ZMYM4: variants seen among roughly 807,000 people sequenced by gnomAD.
The protein encoded by ZMYM4 is zinc finger MYM-type protein 4.
ZMYM4 carries 31 observed loss-of-function variants against 183.2 expected under a neutral mutation model. The ratio of observed to expected loss-of-function variants is 0.17; its 90% CI spans 0.13 to 0.23. The LOEUF (loss-of-function observed/expected upper bound fraction) is 0.23, where lower values mean the gene tolerates loss of function less well. Among genes scored for constraint, ZMYM4 ranks in the 10% least tolerant of loss-of-function variants. ZMYM4 has a pLI of 1.00. For synonymous variants in ZMYM4, 592 were observed against 631.2 expected (o/e 0.94, Z 0.93); for missense variants, 1,273 against 1,840.3 (o/e 0.69, Z 5.64).
At position 35,389,843 on chromosome 1, in the gene ZMYM4, C is replaced by G; in HGVS notation, c.2437-105C>G. 2 of 1,142,120 alleles carry G rather than the reference C, an allele frequency of 1.8e-6. No homozygotes were observed. Among genetic ancestry groups the G allele is most frequent in the South Asian group, 1.6e-5 (1 of 61,282 alleles). The allele number at this position is 1,142,120 out of a possible 1,614,324, so 70.7% of individuals were successfully genotyped here. On this transcript the variant is annotated intron_variant, in intron 14 of 29. Transcript: ENST00000314607. The surrounding 1 kb of genome is among the most constrained non-coding windows in gnomAD (Gnocchi z 4.0). Reference sequence around the variant, plus strand: ...GATAAAGACAAACTAATTTTTTGATCTAAATTCTAAGTTAATTTCGTCACT... The same window carrying G: ...GATAAAGACAAACTAATTTTTTGATGTAAATTCTAAGTTAATTTCGTCACT...
chr1:35,312,064 T>C (rs1641829037), intron 1 of ZMYM4, among the ~76,000 whole-genome samples: 1 of 152,136 alleles, frequency 6.6e-6, no homozygotes. Flanking sequence ...TTTTTCTTTC[T>C]TTTGGCATCC....
intron 13 of ZMYM4, among the ~76,000 whole-genome samples, chr1:35,388,016 C>G (rs565049384): frequency 1.1e-4 from 17 of 152,194 alleles, no homozygotes; most frequent in African/African-American, 3.9e-4. Context: ...CTTGAATATG[C>G]AAATTAATAT....
intron 27 of ZMYM4, 101 bp downstream of exon 27, chr1:35,414,184 A>G: frequency 4.1e-6 from 3 of 734,920 alleles, no homozygotes; most frequent in Non-Finnish European, 6.8e-6. Context: ...ATTTCTGTCC[A>G]GATTTATACC....
Position 35,405,180 on chromosome 1 carries a change from A to G in ZMYM4, c.3686A>G (p.Asp1229Gly). 1 of 1,613,926 alleles carries G rather than the reference A, an allele frequency of 6.2e-7. No homozygotes were observed. The highest frequency in any genetic ancestry group is 8.5e-7 in the Non-Finnish European group (1 of 1,179,920). The change falls in exon 24 of 30, where the codon GAT (aspartate) becomes GGT (glycine). Residue 1229 changes from aspartate (D) to glycine (G), a missense_variant. This residue lies in a region of ZMYM4 where 133 missense variants were observed against 155.7 expected (regional missense o/e 0.85). Coordinates refer to ENST00000314607, the MANE Select transcript of ZMYM4 (RefSeq NM_005095.3). ...QWKNAKEEQGDLKCGGVEQAS... is the reference protein window; with the variant it reads ...QWKNAKEEQGGLKCGGVEQAS... ...AAAAATGCCAAGGAAGAGCAGGGGG[A>G]TCTAAAATGTGGAGGTAAGTGCACA...
rs186539817 is a variant in ZMYM4 at position 35,277,726 on chromosome 1, C to T, written c.39+8641C>T. ...TCAATTATTTGGTTACCTTGTAATA[C>T]GGTTTGTAAAGAAAAAGCAGGATAA... On this transcript the variant is annotated intron_variant, in intron 1 of 29. Transcript: ENST00000314607. Among the ~76,000 whole-genome samples, 10 of 151,992 alleles carry T rather than the reference C, an allele frequency of 6.6e-5. No homozygotes were observed. The East Asian group carries it at 7.7e-4, about 12-fold the overall frequency.
intron 21 of ZMYM4, 141 bp downstream of exon 21, chr1:35,398,607 T>C: frequency 1.2e-6 from 1 of 837,902 alleles, no homozygotes; most frequent in Admixed American, 2.9e-5. Flanking sequence ...GTGTACTAAT[T>C]TGTAGTGAGA....
At chr1:35,292,475 T>C (rs1270574864) in intron 1 of ZMYM4, 1 of 152,846 alleles carries the variant, frequency 6.5e-6, no homozygotes, top group Non-Finnish European at 1.5e-5. Flanking sequence ...GCTGGGGCTA[T>C]GGGCATATGC....
chr1:35,272,865 T>G (rs1417639360), intron 1 of ZMYM4, among the ~76,000 whole-genome samples: 1 of 152,078 alleles, frequency 6.6e-6, no homozygotes, highest in Non-Finnish European at 1.5e-5. Context: ...CCCACCACCA[T>G]GCCCGGCTAA....
At chr1:35,333,169 A>G (rs543759338) in intron 2 of ZMYM4, among the ~76,000 whole-genome samples, 1 of 152,262 alleles carries the variant, frequency 6.6e-6, no homozygotes, top group South Asian at 2.1e-4. Flanking sequence ...TAAAAATTTT[A>G]TCCTAGAGGT....
intron 1 of ZMYM4, among the ~76,000 whole-genome samples, chr1:35,281,956 G>T (rs1442095624): frequency 6.6e-6 from 1 of 152,098 alleles, no homozygotes; most frequent in East Asian, 1.9e-4. Context: ...TATTTTCAAG[G>T]TTCATCCAGT....
Position 35,398,901 on chromosome 1 carries a change from G to C in ZMYM4, c.3291G>C (p.Glu1097Asp). 6.2e-7 allele frequency: 1 copy of C among 1,614,060 alleles called. No homozygotes were observed. Among genetic ancestry groups the C allele is most frequent in the Non-Finnish European group, 8.5e-7 (1 of 1,179,982 alleles). The change falls in exon 22 of 30, where the codon GAG (glutamate) becomes GAC (aspartate). Residue 1097 changes from glutamate to aspartate, a missense_variant. Coordinates refer to ENST00000314607, the MANE Select transcript of ZMYM4 (RefSeq NM_005095.3). ...CATACAGTGGTGATCTTGAATCAGA[G>C]GCAGTATCTACTCCACATAGCTGGG... ...GSTYSGDLES[E>D]AVSTPHSWEE...
chr1:35,394,798 T>A (rs1644777707), intron 18 of ZMYM4, among the ~76,000 whole-genome samples: 1 of 152,172 alleles, frequency 6.6e-6, no homozygotes, highest in Non-Finnish European at 1.5e-5. Context: ...TCTTTGTAGC[T>A]CCTCATGCTG....
At chr1:35,326,802 CAG>C (rs1642522489) in intron 2 of ZMYM4, among the ~76,000 whole-genome samples, 1 of 152,170 alleles carries the variant, frequency 6.6e-6, no homozygotes, top group Non-Finnish European at 1.5e-5. Context: ...CAAACTCATG[CAG>C]ACATGGAAAG....
intron 5 of ZMYM4, chr1:35,366,056 A>G (rs1332983510): frequency 6.6e-6 from 1 of 152,200 alleles, no homozygotes; most frequent in Non-Finnish European, 1.5e-5. Context: ...GCCAATGAGT[A>G]TTGGTTGTTT....
intron 7 of ZMYM4, among the ~76,000 whole-genome samples, chr1:35,379,535 C>G (rs1446056890): frequency 1.3e-5 from 2 of 152,250 alleles, no homozygotes; most frequent in African/African-American, 4.8e-5. Flanking sequence ...CACGCCCGGC[C>G]AACTGTTGCG....
At chr1:35,289,817 G>C (rs562835628) in intron 1 of ZMYM4, among the ~76,000 whole-genome samples, 6 of 152,076 alleles carry the variant, frequency 3.9e-5, no homozygotes, top group African/African-American at 1.4e-4. Context: ...GAATACCACT[G>C]GTCCAGATAC....
chr1:35,273,471 A>G (rs1427828077), intron 1 of ZMYM4, among the ~76,000 whole-genome samples: 1 of 152,190 alleles, frequency 6.6e-6, no homozygotes, highest in East Asian at 1.9e-4. Context: ...TCGGGCGGCC[A>G]TATTTTGTTG....
chr1:35,335,884 C>T (rs1047928581), intron 2 of ZMYM4, among the ~76,000 whole-genome samples: 1 of 152,072 alleles, frequency 6.6e-6, no homozygotes, highest in African/African-American at 2.4e-5. Flanking sequence ...ACCTGGGAGG[C>T]GGAGCTTGCA....
intron 26 of ZMYM4, among the ~76,000 whole-genome samples, chr1:35,410,574 C>T (rs529459099): frequency 2.6e-5 from 4 of 151,830 alleles, no homozygotes; most frequent in South Asian, 2.1e-4. Context: ...CTGCAAGCTG[C>T]GCATCCCAGG....
Sources: allele counts gnomAD v4.1 joint callset (sites outside exome capture counted in the v4.1 genomes callset), GRCh38; gene constraint gnomAD v4.1.1; regional missense constraint gnomAD v4.1.1; non-coding constraint Gnocchi (gnomAD v3.1); transcripts MANE v1.5; gene names NCBI Gene and HGNC (gene_info 2026-07-23, HGNC 2026-07-21).